The following GOLIM4 variants were observed in gnomAD, a reference collection of about 807,000 sequenced individuals.
GOLIM4 encodes the protein 130 kDa golgi-localized phosphoprotein.
In GOLIM4, 71 loss-of-function variants were observed where a neutral mutation model predicts 107.4. That is an observed-to-expected ratio of 0.66 (90% CI 0.55 to 0.81). The LOEUF (loss-of-function observed/expected upper bound fraction) is 0.81, where lower values mean the gene tolerates loss of function less well. Among genes scored for constraint, GOLIM4 ranks in the 30% least tolerant of loss-of-function variants. The pLI is 0.00. For missense variants in GOLIM4, 830 were observed against 826.1 expected, an observed-to-expected ratio of 1.00 and a Z score of -0.06; for synonymous variants, 327 against 294.8, an observed-to-expected ratio of 1.11 and a Z score of -1.12.
chr3:168,042,855 C>A (rs1244916325), intron 5 of GOLIM4, among the ~76,000 whole-genome samples: 3 of 152,040 alleles, frequency 2.0e-5, no homozygotes, highest in Non-Finnish European at 2.9e-5. Context: ...ACAATGAAGC[C>A]CACAGTTGTC....
intron 1 of GOLIM4, among the ~76,000 whole-genome samples, chr3:168,057,447 G>A (rs535894125): frequency 1.3e-5 from 2 of 152,294 alleles, no homozygotes; most frequent in Admixed American, 1.3e-4. Flanking sequence ...GCATGGCTAG[G>A]GAGGCCTCAG....
intron 1 of GOLIM4, among the ~76,000 whole-genome samples, chr3:168,055,086 T>C (rs1719868847): frequency 6.6e-6 from 1 of 152,200 alleles, no homozygotes; most frequent in Non-Finnish European, 1.5e-5. Flanking sequence ...GTATGTTTTT[T>C]TCAGCAGCAT....
chr3:168,052,472 T>G (rs2108258662), intron 1 of GOLIM4, among the ~76,000 whole-genome samples: 1 of 152,242 alleles, frequency 6.6e-6, no homozygotes, highest in African/African-American at 2.4e-5. Flanking sequence ...GGTCTCAGTT[T>G]TCTTTTACTT....
At chr3:168,076,297 T>C (rs927490857) in intron 1 of GOLIM4, among the ~76,000 whole-genome samples, 3 of 152,246 alleles carry the variant, frequency 2.0e-5, no homozygotes, top group African/African-American at 7.2e-5. Flanking sequence ...ACATAAAATT[T>C]AAAATGCTCA....
At chr3:168,059,142 A>T (rs748697798) in intron 1 of GOLIM4, among the ~76,000 whole-genome samples, 1 of 152,198 alleles carries the variant, frequency 6.6e-6, no homozygotes, top group African/African-American at 2.4e-5. Context: ...AACCTAAAAG[A>T]CATCTAATTT....
At chr3:168,033,768 T>C (rs1308440549) in intron 8 of GOLIM4, among the ~76,000 whole-genome samples, 3 of 152,196 alleles carry the variant, frequency 2.0e-5, no homozygotes, top group African/African-American at 7.2e-5. Flanking sequence ...TTTGTAAACA[T>C]TTTTTATTGC....
At chr3:168,089,801 C>T (rs575284829) in intron 1 of GOLIM4, among the ~76,000 whole-genome samples, 5 of 149,138 alleles carry the variant, frequency 3.4e-5, no homozygotes, top group Non-Finnish European at 4.4e-5. Flanking sequence ...CAGAGTCTCG[C>T]TCTGTTGCCC....
intron 1 of GOLIM4, among the ~76,000 whole-genome samples, chr3:168,055,356 G>A (rs888304592): frequency 6.6e-6 from 1 of 152,152 alleles, no homozygotes; most frequent in Non-Finnish European, 1.5e-5. Flanking sequence ...GAAACTTGTT[G>A]GCAACTGGAG....
At chr3:168,059,155 A>G (rs905237727) in intron 1 of GOLIM4, among the ~76,000 whole-genome samples, 3 of 152,240 alleles carry the variant, frequency 2.0e-5, no homozygotes, top group African/African-American at 4.8e-5. Context: ...TCTAATTTCC[A>G]TAAGTTGTCT....
Position 168,046,985 on chromosome 3 carries a change from T to C in GOLIM4, c.277A>G (p.Lys93Glu). ...KKAKEDFLVY[K>E]LEAQETLNKG... ...TTTAATGTTTCTTGTGCTTCTAACT[T>C]ATAAACAAGAAAATCTAGAAAATAC... The change falls in exon 3 of 16, where the codon AAG becomes GAG. Residue 93 changes from lysine (K) to glutamate (E), a missense_variant. Physicochemically the swap from Lys to Glu is moderately conservative, Grantham distance 56. Coordinates refer to ENST00000470487, the MANE Select transcript of GOLIM4 (RefSeq NM_014498.5). The C allele has an allele frequency of 7.5e-7, 1 of 1,332,434 alleles. No homozygotes were observed. The highest frequency in any genetic ancestry group is 1.8e-4 in the Middle Eastern group (1 of 5,430). The allele number at this position is 1,332,434 out of a possible 1,614,324, so 82.5% of individuals were successfully genotyped here.
intron 1 of GOLIM4, among the ~76,000 whole-genome samples, chr3:168,080,509 G>GT (rs1721300932): frequency 2.0e-5 from 3 of 152,172 alleles, no homozygotes; most frequent in Admixed American, 1.3e-4. Flanking sequence ...AGTGGCCACC[G>GT]TATTAGACAG....
At chr3:168,010,983 T>C (rs1022490036) in intron 14 of GOLIM4, among the ~76,000 whole-genome samples, 160 bp from the exon 15 acceptor site, 4 of 152,186 alleles carry the variant, frequency 2.6e-5, no homozygotes, top group Non-Finnish European at 5.9e-5. Context: ...AAATATACAA[T>C]TGAAAAAATA....
chr3:168,012,692 C>T (rs1424271710), intron 14 of GOLIM4, among the ~76,000 whole-genome samples: 67 of 151,900 alleles, frequency 4.4e-4, no homozygotes, highest in African/African-American at 1.6e-3. Context: ...GCGGATCTCT[C>T]GGCAGAAACT....
intron 1 of GOLIM4, among the ~76,000 whole-genome samples, chr3:168,053,422 G>T (rs2108259682): frequency 6.6e-6 from 1 of 152,260 alleles, no homozygotes; most frequent in Middle Eastern, 3.4e-3. Flanking sequence ...ACAAACAACA[G>T]AAGCTTGGTA....
chr3:168,047,129 T>C, intron 2 of GOLIM4, 130 bp from the exon 3 acceptor site: 1 of 489,412 alleles, frequency 2.0e-6, no homozygotes, highest in Non-Finnish European at 3.7e-6. Flanking sequence ...ACTTGGTGAT[T>C]TACATACTTT....
chr3:168,019,165 T>G (rs991307286), intron 14 of GOLIM4, among the ~76,000 whole-genome samples: 3 of 152,186 alleles, frequency 2.0e-5, no homozygotes, highest in African/African-American at 7.2e-5. Context: ...TCTGACTGTA[T>G]AAATCATAAG....
At chr3:168,032,029 A>C (rs1455363825) in intron 9 of GOLIM4, among the ~76,000 whole-genome samples, 2 of 152,198 alleles carry the variant, frequency 1.3e-5, no homozygotes, top group Non-Finnish European at 2.9e-5. Context: ...CACCTAGTAG[A>C]ATATCTCCAA....
intron 1 of GOLIM4, among the ~76,000 whole-genome samples, chr3:168,079,688 TAAAAATAC>T (rs1161069316): frequency 6.6e-6 from 1 of 152,116 alleles, no homozygotes; most frequent in Admixed American, 6.5e-5. Context: ...TTTAGATAAC[TAAAAATAC>T]AAAATTTAAA....
chr3:168,010,649 A>T, intron 15 of GOLIM4, 94 bp downstream of exon 15: 1 of 967,940 alleles, frequency 1.0e-6, no homozygotes, highest in Non-Finnish European at 1.6e-6. Flanking sequence ...ACCATTACCC[A>T]CTGGTACGTA....
Sources: allele counts gnomAD v4.1 joint callset (sites outside exome capture counted in the v4.1 genomes callset), GRCh38; gene constraint gnomAD v4.1.1; transcripts MANE v1.5; gene names NCBI Gene and HGNC (gene_info 2026-07-23, HGNC 2026-07-21).